The following UCHL3 variants were observed in gnomAD, a reference collection of about 807,000 sequenced individuals.
The protein encoded by UCHL3 is ubiquitin C-terminal hydrolase L3.
A neutral mutation model predicts 35.8 loss-of-function variants in UCHL3; 22 were observed. The ratio of observed to expected loss-of-function variants is 0.61; its 90% CI spans 0.44 to 0.88. The LOEUF is 0.88. UCHL3 is among the 40% of genes least tolerant of loss of function. The pLI is 0.00. For missense variants in UCHL3, 229 were observed against 276.9 expected (o/e 0.83, Z 1.23); for synonymous variants, 90 against 92.8 (o/e 0.97, Z 0.17).
chr13:75,557,067 T>A (rs1182644656), intron 2 of UCHL3, among the ~76,000 whole-genome samples: 4 of 152,036 alleles, frequency 2.6e-5, no homozygotes, highest in African/African-American at 9.7e-5. Flanking sequence ...TAAAAAAATT[T>A]AGCTGGCTGT....
intron 4 of UCHL3, 102 bp downstream of exon 4, chr13:75,566,953 A>C: frequency 7.7e-7 from 1 of 1,297,190 alleles, no homozygotes; most frequent in Non-Finnish European, 1.1e-6. Context: ...CTATAAAATA[A>C]AGCATTCCCT....
At chr13:75,561,012 T>C in intron 3 of UCHL3, 131 bp downstream of exon 3, 1 of 784,636 alleles carries the variant, frequency 1.3e-6, no homozygotes, top group Non-Finnish European at 1.8e-6. Context: ...CTTACTGCAG[T>C]CTCAACCTCC....
chr13:75,563,850 T>C, intron 3 of UCHL3, among the ~76,000 whole-genome samples: 1 of 151,922 alleles, frequency 6.6e-6, no homozygotes, highest in Non-Finnish European at 1.5e-5. Flanking sequence ...TTTCACTTAG[T>C]ATAATGTCCT....
At chr13:75,563,526 G>A (rs1047029199) in intron 3 of UCHL3, among the ~76,000 whole-genome samples, 7 of 152,074 alleles carry the variant, frequency 4.6e-5, no homozygotes, top group African/African-American at 1.7e-4. Context: ...TATATTTGAA[G>A]TTTACAACAT....
At chr13:75,572,655 G>A (rs150432201) in intron 6 of UCHL3, among the ~76,000 whole-genome samples, 3 of 152,148 alleles carry the variant, frequency 2.0e-5, no homozygotes, top group Non-Finnish European at 4.4e-5. Context: ...CCTTGGTAGT[G>A]TAAGAAATAA....
intron 6 of UCHL3, among the ~76,000 whole-genome samples, chr13:75,584,997 A>C (rs1235937660): frequency 6.6e-6 from 1 of 152,010 alleles, no homozygotes; most frequent in African/African-American, 2.4e-5. Context: ...GGACAATTTC[A>C]AGTGATGTAA....
intron 3 of UCHL3, among the ~76,000 whole-genome samples, chr13:75,564,773 G>T (rs140676593): frequency 0.019 from 2,950 of 152,270 alleles, 33 homozygotes; most frequent in Non-Finnish European, 0.03. Flanking sequence ...TCAGCTCACT[G>T]CAACCTTTGC....
intron 2 of UCHL3, among the ~76,000 whole-genome samples, chr13:75,550,365 C>T (rs1053265085): frequency 5.3e-5 from 8 of 152,178 alleles, no homozygotes; most frequent in Non-Finnish European, 2.9e-5. Context: ...GCCCACACTT[C>T]CTGACTCCAA....
rs546657200 is a variant in UCHL3, at chr13:75,592,415, CATATAT to C, written c.475-2453_475-2448del. On this transcript the variant is annotated intron_variant, in intron 6 of 8. Coordinates refer to ENST00000377595, the MANE Select transcript of UCHL3 (RefSeq NM_006002.5). ...TAAAGTGGAATTTTAATTTTTCCTT[CATATAT>C]ATATATATATATATATATATATATA... 4.2e-3 allele frequency among the ~76,000 whole-genome samples: 171 copies of C among 40,484 alleles called. 3 individuals carry two copies. The highest frequency in any genetic ancestry group is 0.013 in the African/African-American group (96 of 7,474). The allele number at this position is 40,484 out of a possible 152,430, so 26.6% of individuals were successfully genotyped here.
chr13:75,560,153 G>C (rs1358939650), intron 2 of UCHL3, among the ~76,000 whole-genome samples: 1 of 152,074 alleles, frequency 6.6e-6, no homozygotes, highest in Non-Finnish European at 1.5e-5. Flanking sequence ...ATTACTCTTT[G>C]CTCATTGATA....
At chr13:75,592,387 A>C (rs2032499330) in intron 6 of UCHL3, among the ~76,000 whole-genome samples, 1 of 97,640 alleles carries the variant, frequency 1.0e-5, no homozygotes, top group Non-Finnish European at 2.1e-5. Flanking sequence ...TGGTGTTTGG[A>C]TGTAAAGTGG....
chr13:75,570,426 C>T (rs532086004), intron 6 of UCHL3, among the ~76,000 whole-genome samples: 21 of 152,148 alleles, frequency 1.4e-4, no homozygotes, highest in African/African-American at 4.6e-4. Context: ...TTAGTAGAGA[C>T]GGGGTTTCCC....
chr13:75,580,274 T>G (rs2032142127), intron 6 of UCHL3, among the ~76,000 whole-genome samples: 1 of 152,210 alleles, frequency 6.6e-6, no homozygotes, highest in African/African-American at 2.4e-5. Context: ...TTTAATTTCC[T>G]TTTTAAAATT....
Position 75,592,443 on chromosome 13 carries a change from T to C in UCHL3, c.475-2472T>C, listed in dbSNP as rs866637821. 7.6e-3 allele frequency among the ~76,000 whole-genome samples: 593 copies of C among 78,156 alleles called. 10 individuals carry two copies. Among genetic ancestry groups the C allele is most frequent in the East Asian group, 0.033 (33 of 1,006 alleles). 51.3% of individuals were successfully genotyped at this position (78,156 alleles called of 152,430 possible). ...ATATATATATATATATATATATATA[T>C]ATATATATATATATATATATATATG... On this transcript the variant is annotated intron_variant, in intron 6 of 8. Transcript: ENST00000377595.
intron 8 of UCHL3, among the ~76,000 whole-genome samples, chr13:75,605,459 G>T (rs1359071810): frequency 6.6e-6 from 1 of 152,140 alleles, no homozygotes; most frequent in Non-Finnish European, 1.5e-5. Context: ...AGTGGGCCGA[G>T]ATTGCACCAC....
intron 6 of UCHL3, among the ~76,000 whole-genome samples, chr13:75,592,458 A>ATATGTATATATG (rs1566228227): frequency 1.4e-4 from 17 of 117,606 alleles, no homozygotes; most frequent in East Asian, 4.9e-4. Flanking sequence ...ATATATATAT[A>ATATGTATATATG]TATATATATG....
At chr13:75,552,634 G>A (rs1357912925) in intron 2 of UCHL3, among the ~76,000 whole-genome samples, 1 of 152,144 alleles carries the variant, frequency 6.6e-6, no homozygotes, top group East Asian at 1.9e-4. Flanking sequence ...TATGCTACAG[G>A]TAGGACTTAA....
rs574280971 is a variant in UCHL3 at position 75,589,434 on chromosome 13, C to A, written c.475-5481C>A. Among the ~76,000 whole-genome samples the A allele has an allele frequency of 1.6e-3, 241 of 152,198 alleles. 1 individual carries two copies. The highest frequency in any genetic ancestry group is 5.5e-3 in the African/African-American group (230 of 41,522). On this transcript the variant is annotated intron_variant, in intron 6 of 8. Transcript: ENST00000377595. ...AAGTAGGAGGATAGTTTATTCAGAT[C>A]GTCAGCTTTGGAGGAATTAATTTCA... is the stretch of plus-strand genomic sequence containing the variant.
chr13:75,599,134 A>AT (rs35853503), intron 7 of UCHL3, among the ~76,000 whole-genome samples: 53,369 of 127,784 alleles, frequency 0.42, 11,508 homozygotes, highest in East Asian at 0.63. Flanking sequence ...ATGCCTGGCT[A>AT]TTTTTTTTTT....
Sources: allele counts gnomAD v4.1 joint callset (sites outside exome capture counted in the v4.1 genomes callset), GRCh38; gene constraint gnomAD v4.1.1; transcripts MANE v1.5; gene names NCBI Gene and HGNC (gene_info 2026-07-23, HGNC 2026-07-21).